Variants in MECOM observed in about 807,000 individuals in gnomAD.
The protein encoded by MECOM is histone-lysine N-methyltransferase MECOM.
MECOM carries 13 observed loss-of-function variants against 116.3 expected under a neutral mutation model. The observed-to-expected ratio is 0.11, with a 90% CI of 0.07 to 0.18. The LOEUF (loss-of-function observed/expected upper bound fraction) is 0.18, where lower values mean the gene tolerates loss of function less well. Among genes scored for constraint, MECOM ranks in the 10% least tolerant of loss-of-function variants. The pLI is 1.00. For synonymous variants in MECOM, 528 were observed against 535.2 expected, an observed-to-expected ratio of 0.99 and a Z score of 0.19; for missense variants, 1,299 against 1,509.0, an observed-to-expected ratio of 0.86 and a Z score of 2.31.
chr3:169,143,008 TATTAC>T (rs980404067), intron 3 of MECOM, among the ~76,000 whole-genome samples: 4 of 152,098 alleles, frequency 2.6e-5, no homozygotes, highest in Middle Eastern at 3.4e-3. Flanking sequence ...TGTCATATGA[TATTAC>T]AAGATTCATA....
At chr3:169,209,058 T>G (rs796699641) in intron 2 of MECOM, among the ~76,000 whole-genome samples, 11 of 152,252 alleles carry the variant, frequency 7.2e-5, no homozygotes, top group African/African-American at 2.6e-4. Context: ...TATAACCATC[T>G]GACTTCAACA....
chr3:169,662,532 C>A (rs1044045557), intron 1 of MECOM, among the ~76,000 whole-genome samples: 1 of 152,124 alleles, frequency 6.6e-6, no homozygotes, highest in Non-Finnish European at 1.5e-5. Flanking sequence ...TCCCCACCTG[C>A]GCGTGGCTGT....
At chr3:169,114,298 G>A (rs887915476) in intron 8 of MECOM, among the ~76,000 whole-genome samples, 4 of 152,064 alleles carry the variant, frequency 2.6e-5, no homozygotes, top group Admixed American at 2.6e-4. Context: ...GAGTTATTTT[G>A]TATTGTCCTT....
At chr3:169,500,884 C>T (rs1754441632) in intron 1 of MECOM, among the ~76,000 whole-genome samples, 1 of 151,846 alleles carries the variant, frequency 6.6e-6, no homozygotes, top group South Asian at 2.1e-4. Flanking sequence ...GATACATTGA[C>T]ACAGTTGTTA....
At chr3:169,618,714 G>A (rs990179099) in intron 1 of MECOM, among the ~76,000 whole-genome samples, 4 of 151,974 alleles carry the variant, frequency 2.6e-5, no homozygotes, top group South Asian at 2.1e-4. Context: ...AACAACAACC[G>A]ATAAATTTCA....
At chr3:169,530,975 G>C (rs12492499) in intron 1 of MECOM, among the ~76,000 whole-genome samples, 43,380 of 151,786 alleles carry the variant, frequency 0.29, 6,475 homozygotes, top group Non-Finnish European at 0.33. Context: ...CGCCATGACT[G>C]AGCCTCTCCT....
chr3:169,315,905 A>G (rs1719661604), intron 2 of MECOM, among the ~76,000 whole-genome samples: 1 of 152,362 alleles, frequency 6.6e-6, no homozygotes, highest in Non-Finnish European at 1.5e-5. Flanking sequence ...TAACATAAAA[A>G]AAATTGCCTA....
At chr3:169,533,379 G>A (rs947899843) in intron 1 of MECOM, among the ~76,000 whole-genome samples, 3 of 152,178 alleles carry the variant, frequency 2.0e-5, no homozygotes, top group African/African-American at 4.8e-5. Flanking sequence ...GACTGTTGAC[G>A]GAAAATGTAT....
At chr3:169,592,479 T>A (rs1325516664) in intron 1 of MECOM, among the ~76,000 whole-genome samples, 2 of 152,166 alleles carry the variant, frequency 1.3e-5, no homozygotes, top group Non-Finnish European at 2.9e-5. Context: ...ATCCTTTCCT[T>A]CCAGCCTTCT....
chr3:169,508,797 T>G (rs898058243), intron 1 of MECOM, among the ~76,000 whole-genome samples: 6 of 152,346 alleles, frequency 3.9e-5, no homozygotes, highest in Middle Eastern at 3.4e-3. Context: ...CTGGGAACTA[T>G]TACATGGCTT....
intron 16 of MECOM, among the ~76,000 whole-genome samples, chr3:169,085,298 T>A (rs1717311221): frequency 6.6e-6 from 1 of 152,188 alleles, no homozygotes; most frequent in African/African-American, 2.4e-5. Flanking sequence ...CAAATAGTGC[T>A]TCCATTGAGA....
chr3:169,567,769 C>T (rs891458211), intron 1 of MECOM, among the ~76,000 whole-genome samples: 1 of 152,142 alleles, frequency 6.6e-6, no homozygotes, highest in Non-Finnish European at 1.5e-5. Context: ...TTCCATAACA[C>T]TTCTTATTTC....
intron 1 of MECOM, among the ~76,000 whole-genome samples, chr3:169,638,696 T>A (rs1467157362): frequency 6.6e-6 from 1 of 152,202 alleles, no homozygotes; most frequent in Non-Finnish European, 1.5e-5. Flanking sequence ...GTGGTTGACA[T>A]GGTTAGTTGC....
chr3:169,100,076 T>TC, intron 12 of MECOM, among the ~76,000 whole-genome samples: 2 of 136,214 alleles, frequency 1.5e-5, no homozygotes, highest in African/African-American at 5.9e-5. Flanking sequence ...ATCTATTCTT[T>TC]TTTTCTTTCT....
At chr3:169,245,594 A>G (rs1478134580) in intron 2 of MECOM, among the ~76,000 whole-genome samples, 1 of 152,230 alleles carries the variant, frequency 6.6e-6, no homozygotes, top group African/African-American at 2.4e-5. Context: ...TCTACAACCT[A>G]TCACTCAGAC....
chr3:169,440,029 A>G (rs923971080), intron 1 of MECOM, among the ~76,000 whole-genome samples: 1 of 152,310 alleles, frequency 6.6e-6, no homozygotes, highest in East Asian at 1.9e-4. Flanking sequence ...AAGAATGATT[A>G]AAGTTCAGAG....
chr3:169,584,793 T>C (rs1254588690), intron 1 of MECOM, among the ~76,000 whole-genome samples: 1 of 152,088 alleles, frequency 6.6e-6, no homozygotes, highest in Non-Finnish European at 1.5e-5. Context: ...CTAAAGACTA[T>C]ATATAAAGTG....
intron 12 of MECOM, among the ~76,000 whole-genome samples, chr3:169,096,141 G>C (rs983938596): frequency 1.3e-5 from 2 of 152,016 alleles, no homozygotes; most frequent in African/African-American, 4.8e-5. Context: ...AGAAGAAAAG[G>C]GTTTTTAGTA....
chr3:169,430,750 G>A (rs1249415285), intron 1 of MECOM, among the ~76,000 whole-genome samples: 6 of 152,060 alleles, frequency 3.9e-5, no homozygotes, highest in South Asian at 2.1e-4. Flanking sequence ...CAGACCATAC[G>A]ATTTATACCA....
Sources: gnomAD v4.1 joint callset for allele counts (sites outside exome capture counted in the v4.1 genomes callset) on GRCh38, gnomAD v4.1.1 for gene constraint, MANE v1.5 for transcripts, NCBI Gene and HGNC (gene_info 2026-07-23, HGNC 2026-07-21) for gene names.